SORBS2: variants seen among roughly 807,000 people sequenced by gnomAD.
SORBS2 encodes sorbin and SH3 domain containing 2.
SORBS2 carries 46 observed loss-of-function variants against 97.7 expected under a neutral mutation model. The observed-to-expected ratio is 0.47, with a 90% CI of 0.37 to 0.60. The LOEUF is 0.60. Ranked by LOEUF, SORBS2 falls within the 20% of genes least tolerant of loss-of-function variation. The pLI is 0.00. For synonymous variants in SORBS2, 476 were observed against 473.4 expected, an observed-to-expected ratio of 1.01 and a Z score of -0.07; for missense variants, 1,316 against 1,282.3, an observed-to-expected ratio of 1.03 and a Z score of -0.40.
intron 1 of SORBS2, among the ~76,000 whole-genome samples, 155 bp from the exon 10 acceptor site, chr4:185,652,883 C>A (rs764704389): frequency 7.9e-5 from 12 of 152,172 alleles, no homozygotes; most frequent in Non-Finnish European, 1.3e-4. Flanking sequence ...ACAGTTTCAG[C>A]AATTTACTTA....
chr4:185,834,145 G>T (rs979045833), intron 1 of SORBS2, among the ~76,000 whole-genome samples: 6 of 152,214 alleles, frequency 3.9e-5, no homozygotes, highest in Non-Finnish European at 7.3e-5. Context: ...CTGTAGAGAG[G>T]TTTAATTGGC....
At chr4:185,611,310 A>T (rs1173205329) in intron 12 of SORBS2, among the ~76,000 whole-genome samples, 1 of 151,940 alleles carries the variant, frequency 6.6e-6, no homozygotes, top group East Asian at 1.9e-4. Flanking sequence ...TATACATAGT[A>T]TTTTGTGTTG....
At chr4:185,760,643 C>T (rs1429266014) in intron 2 of SORBS2, among the ~76,000 whole-genome samples, 1 of 152,222 alleles carries the variant, frequency 6.6e-6, no homozygotes, top group Non-Finnish European at 1.5e-5. Context: ...TGGGATGCAG[C>T]AGCATTGGAT....
rs112876766 is a variant in SORBS2, at chr4:185,645,700, C to T, written c.396+968G>A. ...GCTCCACAAAGAAAACTCTCTTTTT[C>T]CTGTTCACTGACACCTAAAATTCTT... On this transcript the variant is annotated intron_variant, in intron 4 of 14. Coordinates refer to ENST00000418609, the Ensembl canonical transcript of SORBS2. The T allele has an allele frequency of 7.9e-5, 12 of 152,264 alleles. 1 individual carries two copies. The highest frequency in any genetic ancestry group is 2.6e-4 in the African/African-American group (11 of 41,578). The allele number at this position is 152,264 out of a possible 1,614,324, so 9.4% of individuals were successfully genotyped here.
intron 1 of SORBS2, among the ~76,000 whole-genome samples, chr4:185,835,879 C>T (rs779379033): frequency 4.0e-5 from 6 of 151,886 alleles, no homozygotes; most frequent in African/African-American, 9.7e-5. Context: ...TCCCATAAAC[C>T]GTCTATTACA....
At chr4:185,840,382 T>C (rs1481379149) in intron 1 of SORBS2, among the ~76,000 whole-genome samples, 1 of 152,192 alleles carries the variant, frequency 6.6e-6, no homozygotes, top group Non-Finnish European at 1.5e-5. Context: ...GGTTCTTTCA[T>C]AAGCATCTCT....
chr4:185,740,219 G>C (rs765049167), intron 2 of SORBS2: 3 of 152,402 alleles, frequency 2.0e-5, no homozygotes, highest in Non-Finnish European at 2.9e-5. Flanking sequence ...TGCAGGAATG[G>C]AGCAGAGAGA....
At chr4:185,624,589 C>A (rs1247044420) in intron 6 of SORBS2, 95 bp from the exon 19 acceptor site, 9 of 1,324,804 alleles carry the variant, frequency 6.8e-6, no homozygotes. Flanking sequence ...CATCAGACAG[C>A]ATAGCAAGGA....
intron 1 of SORBS2, among the ~76,000 whole-genome samples, chr4:185,934,553 G>A (rs2099268017): frequency 6.6e-6 from 1 of 152,038 alleles, no homozygotes; most frequent in East Asian, 1.9e-4. Flanking sequence ...CTGAGGTCAG[G>A]AGTTCGACAC....
chr4:185,942,262 GC>G (rs764676588), intron 1 of SORBS2, among the ~76,000 whole-genome samples: 2 of 152,090 alleles, frequency 1.3e-5, no homozygotes, highest in Non-Finnish European at 2.9e-5. Context: ...AGGGCAACAG[GC>G]CCCCCATAGC....
intron 4 of SORBS2, among the ~76,000 whole-genome samples, chr4:185,665,540 T>C (rs2097583130): frequency 6.6e-6 from 1 of 152,214 alleles, no homozygotes; most frequent in African/African-American, 2.4e-5. Flanking sequence ...CTAAAATGAA[T>C]GAAGAGAATG....
At chr4:185,667,380 T>G (rs1208981891) in intron 4 of SORBS2, among the ~76,000 whole-genome samples, 1 of 152,200 alleles carries the variant, frequency 6.6e-6, no homozygotes, top group African/African-American at 2.4e-5. Context: ...ATAAAAAGGT[T>G]GCAATAATTT....
At chr4:185,677,470 A>G in intron 4 of SORBS2, 1 of 1,552,010 alleles carries the variant, frequency 6.4e-7, no homozygotes, top group Non-Finnish European at 8.7e-7. Context: ...GTCTGTCTCG[A>G]ATCTTCATTG....
At chr4:185,654,759 A>G (rs2097368675) in intron 1 of SORBS2, among the ~76,000 whole-genome samples, 1 of 152,220 alleles carries the variant, frequency 6.6e-6, no homozygotes, top group Non-Finnish European at 1.5e-5. Context: ...TTACTTTTGT[A>G]CGTAAAATCA....
At position 185,716,307 on chromosome 4, in the gene SORBS2, T is replaced by C. The variant is rs544372747; in HGVS notation, c.-197-37485A>G. On this transcript the variant is annotated intron_variant, in intron 2 of 20. Transcript: ENST00000284776. The stretch of plus-strand genomic sequence containing the variant: ...AGATGGATCACTTCAGAAAGTGACT[T>C]ATCCTCTCTCTGAACCTGCCCACAT... 4.6e-5 allele frequency among the ~76,000 whole-genome samples: 7 copies of C among 152,282 alleles called. No individual in the cohort carries two copies. In the East Asian group the frequency reaches 1.4e-3, roughly 29 times the overall value.
At chr4:185,765,295 A>G (rs1344881926) in intron 2 of SORBS2, among the ~76,000 whole-genome samples, 1 of 152,158 alleles carries the variant, frequency 6.6e-6, no homozygotes, top group Non-Finnish European at 1.5e-5. Flanking sequence ...TCTGATTTAT[A>G]TGTTAGATAA....
chr4:185,615,197 A>G (rs748118551), intron 9 of SORBS2, 38 bp from the exon 22 acceptor site: 2 of 1,207,932 alleles, frequency 1.7e-6, no homozygotes, highest in Non-Finnish European at 1.2e-6. Context: ...TTTGTGATGT[A>G]CAGCAATAAT....
intron 1 of SORBS2, among the ~76,000 whole-genome samples, chr4:185,909,739 G>C (rs1352937572): frequency 6.6e-6 from 1 of 152,004 alleles, no homozygotes; most frequent in African/African-American, 2.4e-5. Context: ...AGGAAAACAT[G>C]CAAAGAAATG....
chr4:185,687,318 G>A (rs147837570), intron 2 of SORBS2, among the ~76,000 whole-genome samples: 17 of 152,256 alleles, frequency 1.1e-4, no homozygotes, highest in Middle Eastern at 3.4e-3. Context: ...GTGAGCCACC[G>A]TGACTGTCTG....
Sources: gnomAD v4.1 joint callset for allele counts (sites outside exome capture counted in the v4.1 genomes callset) on GRCh38, gnomAD v4.1.1 for gene constraint, MANE v1.5 for transcripts, NCBI Gene and HGNC (gene_info 2026-07-23, HGNC 2026-07-21) for gene names.